IL36G: variants seen among roughly 807,000 people sequenced by gnomAD.
IL36G encodes the protein interleukin 36 gamma.
In IL36G, 10 loss-of-function variants were observed where a neutral mutation model predicts 13.5. The observed-to-expected ratio is 0.74, with a 90% confidence interval of 0.46 to 1.26. The LOEUF (loss-of-function observed/expected upper bound fraction) is 1.26. IL36G is among the 50% of genes most tolerant of loss of function. The pLI, the probability that IL36G is intolerant of heterozygous loss-of-function variation, is 0.00. For synonymous variants in IL36G, 84 were observed against 74.0 expected (o/e 1.13, Z -0.69); for missense variants, 199 against 203.0 (o/e 0.98, Z 0.12).
chr2:112,984,977 C>T lies in IL36G; in HGVS notation c.438C>T (p.Asp146=). ...GGTTCATTGCCTCCTCCAAGAGAGA[C>T]CAGCCCATCATTCTGACTTCAGAAC... is the stretch of plus-strand genomic sequence containing the variant. ...PDWFIASSKR[D]QPIILTSELG... is the part of the protein sequence containing the mutation. Residue 146 remains aspartate, a synonymous_variant, in exon 5 of 5, where the codon GAC becomes GAT. Transcript: ENST00000259205. 1 of 1,614,086 alleles carries T rather than the reference C, an allele frequency of 6.2e-7. No homozygotes were observed. Among genetic ancestry groups the T allele is most frequent in the Non-Finnish European group, 8.5e-7 (1 of 1,179,996 alleles).
intron 3 of IL36G, among the ~76,000 whole-genome samples, chr2:112,979,754 C>T (rs868349619): frequency 6.6e-5 from 10 of 152,234 alleles, no homozygotes; most frequent in South Asian, 4.2e-4. Flanking sequence ...CAAGCAGAGG[C>T]GTGAGAATCT....
chr2:112,978,687 CA>C lies in IL36G; in HGVS notation c.51del (p.Gln17HisfsTer14), dbSNP rs1440944884. On this transcript the variant is annotated frameshift_variant, in exon 2 of 5. Coordinates refer to ENST00000259205, the MANE Select transcript of IL36G (RefSeq NM_019618.4). LOFTEE classifies it high-confidence loss of function. ...DADGGGRAVY[Q>X]SMCKPITGTI... ...TGATGGTGGAGGAAGGGCCGTCTAT[CA>C]ATCAAGTGAATCAAATGCTGTTGGG... 3 of 1,613,992 alleles carry C rather than the reference CA, an allele frequency of 1.9e-6. No homozygotes were observed. The highest frequency in any genetic ancestry group is 1.3e-5 in the African/African-American group (1 of 74,930).
At chr2:112,981,218 C>G in intron 4 of IL36G, 2 of 1,330,286 alleles carry the variant, frequency 1.5e-6, no homozygotes, top group Non-Finnish European at 2.1e-6. Context: ...TTTGGCATCT[C>G]TATTTTCTGC....
chr2:112,981,078 C>A lies in IL36G; in HGVS notation c.300+930C>A, dbSNP rs537633144. 46 of 734,966 alleles carry A rather than the reference C, an allele frequency of 6.3e-5. 1 individual carries two copies. In the South Asian group the frequency reaches 6.6e-4, roughly 11 times the overall value. The allele number at this position is 734,966 out of a possible 1,614,324, so 45.5% of individuals were successfully genotyped here. ...TTAAAAAGAAAAGTAAAACAAAATT[C>A]TGCATTTTTATAAAACTTGATAAAA... On this transcript the variant is annotated intron_variant, in intron 4 of 4. Coordinates refer to ENST00000259205, the MANE Select transcript of IL36G (RefSeq NM_019618.4).
intron 4 of IL36G, among the ~76,000 whole-genome samples, chr2:112,980,942 A>C (rs1209491094): frequency 6.6e-6 from 1 of 152,252 alleles, no homozygotes; most frequent in Non-Finnish European, 1.5e-5. Context: ...CAAAACTAGA[A>C]GGGAAAGGTG....
chr2:112,980,020 G>C lies in IL36G; in HGVS notation c.172G>C (p.Val58Leu). Residue 58 changes from valine (V) to leucine (L), a missense_variant, in exon 4 of 5, where the codon GTT becomes CTT. By Grantham distance (32) the Val-to-Leu change is conservative. Coordinates refer to ENST00000259205, the MANE Select transcript of IL36G (RefSeq NM_019618.4). ...SDSVTPVTVA[V>L]ITCKYPEALE... The stretch of plus-strand genomic sequence containing the variant: ...TCTTATCTTTACAGTCACTGTTGCT[G>C]TTATCACATGCAAGTATCCAGAGGC... 6.2e-7 allele frequency: 1 copy of C among 1,612,858 alleles called. No homozygotes were observed. The highest frequency in any genetic ancestry group is 8.5e-7 in the Non-Finnish European group (1 of 1,179,408).
intron 4 of IL36G, among the ~76,000 whole-genome samples, chr2:112,980,925 ACT>A (rs566099099): frequency 1.7e-4 from 26 of 152,140 alleles, no homozygotes; most frequent in Non-Finnish European, 2.2e-4. Context: ...GCCAAGAGGA[ACT>A]CTCTCAAAAC....
chr2:112,980,343 T>C (rs1269942080), intron 4 of IL36G, among the ~76,000 whole-genome samples, 195 bp downstream of exon 4: 2 of 152,096 alleles, frequency 1.3e-5, no homozygotes, highest in Non-Finnish European at 1.5e-5. Flanking sequence ...TGTTTTGCTT[T>C]TTTTTTTTCC....
In IL36G at chr2:112,979,980, T is replaced by G. The variant is rs190403329; in HGVS notation, c.161-29T>G. On this transcript the variant is annotated intron_variant, in intron 3 of 4. Transcript: ENST00000259205. ...AATCTTTCTGACTTCAAAAGGAAAC[T>G]GATACCATCTCTCCTCTTATCTTTA... 4.4e-6 allele frequency: 7 copies of G among 1,603,154 alleles called. No individual in the cohort carries two copies. In the Admixed American group the frequency reaches 1.0e-4, roughly 24 times the overall value.
chr2:112,979,374 G>A (rs567340405), intron 3 of IL36G, 49 bp downstream of exon 3: 2 of 1,113,692 alleles, frequency 1.8e-6, no homozygotes, highest in South Asian at 2.6e-5. Context: ...GCTGTGGCTG[G>A]GAAGCTGGCA....
At chr2:112,978,839 G>T (rs1684212253) in intron 2 of IL36G, 146 bp downstream of exon 2, 1 of 785,466 alleles carries the variant, frequency 1.3e-6, no homozygotes. Context: ...TGGGCCCTGG[G>T]CTTCTGGAGG....
chr2:112,981,404 C>T (rs2105012528), intron 4 of IL36G: 1 of 724,564 alleles, frequency 1.4e-6, no homozygotes, highest in South Asian at 1.4e-5. Context: ...TTATCTCCTT[C>T]AGCATCCCCT....
At chr2:112,978,505 G>T (rs562760647) in intron 1 of IL36G, 115 bp from the exon 2 acceptor site, 2 of 789,462 alleles carry the variant, frequency 2.5e-6, no homozygotes, top group Non-Finnish European at 4.4e-6. Flanking sequence ...CCAGAGCTTC[G>T]TGTCAGGCCA....
At chr2:112,979,186 A>C in intron 2 of IL36G, 35 bp from the exon 3 acceptor site, 2 of 1,331,812 alleles carry the variant, frequency 1.5e-6, no homozygotes, top group Non-Finnish European at 2.2e-6. Flanking sequence ...CTTGATTATA[A>C]TATTTCTTCA....
At chr2:112,980,813 A>T (rs1228392112) in intron 4 of IL36G, among the ~76,000 whole-genome samples, 1 of 152,226 alleles carries the variant, frequency 6.6e-6, no homozygotes, top group East Asian at 1.9e-4. Flanking sequence ...GAAAGATGGA[A>T]AGGGAGAAGA....
At chr2:112,979,190 T>G (rs759182115) in intron 2 of IL36G, 31 bp from the exon 3 acceptor site, 38 of 1,351,902 alleles carry the variant, frequency 2.8e-5, no homozygotes, top group Non-Finnish European at 3.1e-5. Context: ...ATTATAATAT[T>G]TCTTCATTTT....
chr2:112,979,378 G>A (rs1684223083), intron 3 of IL36G, 53 bp downstream of exon 3: 1 of 1,039,732 alleles, frequency 9.6e-7, no homozygotes, highest in Non-Finnish European at 1.5e-6. Context: ...TGGCTGGGAA[G>A]CTGGCATCAG....
rs780697688 is a variant in IL36G at position 112,984,901 on chromosome 2, G to A, written c.362G>A (p.Arg121His). The change falls in exon 5 of 5, where the codon CGT (arginine) becomes CAT (histidine). Residue 121 changes from arginine (R) to histidine (H), a missense_variant. Coordinates refer to ENST00000259205, the MANE Select transcript of IL36G (RefSeq NM_019618.4). ...PEPVKPFLFY[R>H]AKTGRTSTLE... ...CCCGTGAAACCCTTCCTTTTCTACC[G>A]TGCCAAGACTGGTAGGACCTCCACC... The A allele has an allele frequency of 2.0e-5, 33 of 1,613,866 alleles. No homozygotes were observed. Among genetic ancestry groups the A allele is most frequent in the Middle Eastern group, 1.6e-4 (1 of 6,084 alleles).
chr2:112,978,157 G>C (rs1161284613), intron 1 of IL36G, 79 bp downstream of exon 1: 1 of 166,662 alleles, frequency 6.0e-6, no homozygotes, highest in Non-Finnish European at 1.3e-5. Context: ...CTTAATGAAG[G>C]GAAGGGCCAC....
Sources: allele counts gnomAD v4.1 joint callset (sites outside exome capture counted in the v4.1 genomes callset), GRCh38; gene constraint gnomAD v4.1.1; transcripts MANE v1.5; gene names NCBI Gene and HGNC (gene_info 2026-07-23, HGNC 2026-07-21).